Variants in TUT4 observed in about 807,000 individuals in gnomAD.
TUT4 encodes terminal uridylyl transferase 4, also known as terminal uridylyltransferase 4.
TUT4 carries 36 observed loss-of-function variants against 192.2 expected under a neutral mutation model. The ratio of observed to expected loss-of-function variants is 0.19; its 90% CI spans 0.14 to 0.25. TUT4 has a LOEUF of 0.25. TUT4 is among the 10% of genes least tolerant of loss of function. The probability of loss-of-function intolerance (pLI) is 1.00; values close to 1 mark genes in which losing one functional copy is unlikely to be tolerated. For missense variants in TUT4, 1,493 were observed against 1,957.2 expected (o/e 0.76, Z 4.47); for synonymous variants, 618 against 666.0 (o/e 0.93, Z 1.11).
chr1:52,448,518 G>C (rs1008898765), intron 20 of TUT4, among the ~76,000 whole-genome samples: 1 of 139,108 alleles, frequency 7.2e-6, no homozygotes, highest in Admixed American at 7.6e-5. Context: ...GAACTCAGGA[G>C]ATTGAGGTTG....
At chr1:52,451,406 T>C (rs1196226622) in intron 20 of TUT4, among the ~76,000 whole-genome samples, 1 of 152,198 alleles carries the variant, frequency 6.6e-6, no homozygotes, top group Non-Finnish European at 1.5e-5. Context: ...GCCAGGCTAA[T>C]TAAGAAGAGA....
At chr1:52,433,538 T>C (rs1460773208) in intron 27 of TUT4, 2 of 152,102 alleles carry the variant, frequency 1.3e-5, no homozygotes, top group African/African-American at 4.8e-5. Flanking sequence ...ATTTTAGGCA[T>C]GTTGACGTGC....
intron 2 of TUT4, among the ~76,000 whole-genome samples, chr1:52,521,847 C>T (rs1436298462): frequency 6.6e-6 from 1 of 152,034 alleles, no homozygotes; most frequent in East Asian, 1.9e-4. Context: ...ACCTGTAAAT[C>T]CCAGCTACTC....
In TUT4 at chr1:52,509,071, C is replaced by CT. The variant is rs549304546; in HGVS notation, c.999+524dup. On this transcript the variant is annotated intron_variant, in intron 4 of 29. Coordinates refer to ENST00000257177, the MANE Select transcript of TUT4 (RefSeq NM_001009881.3). ...GCTTTTTGTGTAAAATGCTCTCCCA[C>CT]TTACCCTTCTAGGCCACTCACCTTT... Among the ~76,000 whole-genome samples, 630 of 152,292 alleles carry CT rather than the reference C, an allele frequency of 4.1e-3. 3 individuals carry two copies. Among genetic ancestry groups the CT allele is most frequent in the Middle Eastern group, 0.014 (4 of 294 alleles).
rs138759105 is a variant in TUT4 at position 52,490,093 on chromosome 1, T to C, written c.1388+639A>G. Among the ~76,000 whole-genome samples the C allele has an allele frequency of 4.4e-3, 659 of 151,428 alleles. 10 individuals carry two copies. Among genetic ancestry groups the C allele is most frequent in the African/African-American group, 0.015 (613 of 41,284 alleles). ...TTTAAATCAACTCATTCAATGTAAG[T>C]GAAATAAAAACTAAACTCTAAATTC... On this transcript the variant is annotated intron_variant, in intron 8 of 29. Coordinates refer to ENST00000257177, the MANE Select transcript of TUT4 (RefSeq NM_001009881.3).
intron 1 of TUT4, among the ~76,000 whole-genome samples, chr1:52,539,536 T>C (rs1249293401): frequency 6.6e-6 from 1 of 152,124 alleles, no homozygotes; most frequent in Non-Finnish European, 1.5e-5. Context: ...TCAAGACACA[T>C]TAACAATGCC....
intron 2 of TUT4, among the ~76,000 whole-genome samples, chr1:52,519,522 T>C (rs1317406982): frequency 3.9e-5 from 6 of 152,094 alleles, no homozygotes; most frequent in African/African-American, 1.4e-4. Context: ...TCTTTTTTTT[T>C]TTTTGAGACG....
chr1:52,499,478 G>T (rs1673487549), intron 4 of TUT4, among the ~76,000 whole-genome samples: 1 of 152,098 alleles, frequency 6.6e-6, no homozygotes, highest in South Asian at 2.1e-4. Flanking sequence ...GCTCATGCCA[G>T]TAATCCTAGC....
At chr1:52,497,488 T>C (rs565578509) in intron 4 of TUT4, among the ~76,000 whole-genome samples, 1 of 152,248 alleles carries the variant, frequency 6.6e-6, no homozygotes, top group Admixed American at 6.5e-5. Flanking sequence ...CAATACTAAC[T>C]TGACGATTTT....
chr1:52,490,920 C>G, intron 7 of TUT4, 119 bp from the exon 8 acceptor site: 1 of 827,256 alleles, frequency 1.2e-6, no homozygotes, highest in South Asian at 2.0e-5. Flanking sequence ...TGGGATAATC[C>G]ACTCTTCTCA....
Position 52,441,282 on chromosome 1 carries a change from CT to C in TUT4, c.3823-2948del, listed in dbSNP as rs201555130. ...GTGGGACAAAGTGCAGGGCATATGGCTTTTTTTTTTTTTTTTTTTGAGACAG... is the reference window on the plus strand; with the variant it reads ...GTGGGACAAAGTGCAGGGCATATGGCTTTTTTTTTTTTTTTTTTGAGACAG... On this transcript the variant is annotated intron_variant, in intron 24 of 29. Transcript: ENST00000257177. Among the ~76,000 whole-genome samples, 198 of 118,204 alleles carry C rather than the reference CT, an allele frequency of 1.7e-3. 1 individual carries two copies. Among genetic ancestry groups the C allele is most frequent in the South Asian group, 3.5e-3 (13 of 3,674 alleles). The allele number at this position is 118,204 out of a possible 152,430, so 77.5% of individuals were successfully genotyped here.
intron 4 of TUT4, among the ~76,000 whole-genome samples, chr1:52,507,411 C>T (rs927420610): frequency 1.3e-5 from 2 of 152,120 alleles, no homozygotes; most frequent in African/African-American, 4.8e-5. Context: ...TGGGCTCAGG[C>T]CATTTGTTTT....
At chr1:52,477,560 C>T (rs1394019509) in intron 12 of TUT4, 148 bp downstream of exon 12, 1 of 794,072 alleles carries the variant, frequency 1.3e-6, no homozygotes, top group African/African-American at 1.8e-5. Context: ...GGGCAAGACC[C>T]TGTCTCTAAA....
chr1:52,431,161 G>A lies in TUT4; in HGVS notation c.4563C>T (p.Pro1521=). ...TGGGATCATTTAGGCCAATATTGCT[G>A]GGGGCACTGCCTGGTGCAGAGTGGA... is the stretch of plus-strand genomic sequence containing the variant. The part of the protein sequence containing the change: ...PVIHSAPGSA[P]SNIGLNDPSI... Residue 1521 remains proline (P), a synonymous_variant, in exon 28 of 30, where the codon CCC becomes CCT. Coordinates refer to ENST00000257177, the MANE Select transcript of TUT4 (RefSeq NM_001009881.3). 1 of 1,614,226 alleles carries A rather than the reference G, an allele frequency of 6.2e-7. No homozygotes were observed. The highest frequency in any genetic ancestry group is 1.1e-5 in the South Asian group (1 of 91,082).
At position 52,472,047 on chromosome 1, in the gene TUT4, C is replaced by T; in HGVS notation, c.2783G>A (p.Cys928Tyr). ...CKKDGHSKND[C>Y]PEDFRKIDLK... Reference sequence around the variant, plus strand: ...ATCAATTTTCCTAAAATCCTCTGGGCAATCATTCTTTGAATGGCCATCCTT... The same window carrying T: ...ATCAATTTTCCTAAAATCCTCTGGGTAATCATTCTTTGAATGGCCATCCTT... Residue 928 changes from cysteine to tyrosine, a missense_variant, in exon 14 of 30, where the codon TGC becomes TAC. This residue lies in a region of TUT4 where 59 missense variants were observed against 114.3 expected (regional missense o/e 0.52). Coordinates refer to ENST00000257177, the MANE Select transcript of TUT4 (RefSeq NM_001009881.3). 6.2e-7 allele frequency: 1 copy of T among 1,613,846 alleles called. No homozygotes were observed. Among genetic ancestry groups the T allele is most frequent in the Non-Finnish European group, 8.5e-7 (1 of 1,179,882 alleles).
At chr1:52,482,241 T>C (rs1437867195) in intron 9 of TUT4, among the ~76,000 whole-genome samples, 1 of 152,214 alleles carries the variant, frequency 6.6e-6, no homozygotes, top group Admixed American at 6.5e-5. Context: ...AACAACCTTC[T>C]ATGTCTTCTT....
At chr1:52,526,542 G>T (rs1387220820) in intron 1 of TUT4, among the ~76,000 whole-genome samples, 169 bp from the exon 2 acceptor site, 1 of 150,366 alleles carries the variant, frequency 6.7e-6, no homozygotes, top group Non-Finnish European at 1.5e-5. Context: ...GAGTTACAGT[G>T]CACTAGGTAA....
At chr1:52,437,476 T>C (rs1186581903) in intron 25 of TUT4, 1 of 152,986 alleles carries the variant, frequency 6.5e-6, no homozygotes, top group Non-Finnish European at 1.5e-5. Context: ...AAGATGTACA[T>C]TCCCCAAGAT....
At chr1:52,496,515 A>G (rs975238887) in intron 5 of TUT4, among the ~76,000 whole-genome samples, 9 of 152,154 alleles carry the variant, frequency 5.9e-5, no homozygotes, top group African/African-American at 2.2e-4. Flanking sequence ...TTAACCCTAT[A>G]CTGATGCAAA....
Sources: gnomAD v4.1 joint callset for allele counts (sites outside exome capture counted in the v4.1 genomes callset) on GRCh38, gnomAD v4.1.1 for gene constraint, gnomAD v4.1.1 regional missense constraint, MANE v1.5 for transcripts, NCBI Gene and HGNC (gene_info 2026-07-23, HGNC 2026-07-21) for gene names.